The following EPHA6 variants were observed in gnomAD, a reference collection of about 807,000 sequenced individuals.
The protein encoded by EPHA6 is ephrin type-A receptor 6.
EPHA6 carries 50 observed loss-of-function variants against 112.0 expected under a neutral mutation model. The ratio of observed to expected loss-of-function variants is 0.45; its 90% CI spans 0.36 to 0.56. The LOEUF (loss-of-function observed/expected upper bound fraction) is 0.56, where lower values mean the gene tolerates loss of function less well. EPHA6 is among the 20% of genes least tolerant of loss of function. The pLI, the probability that EPHA6 is intolerant of heterozygous loss-of-function variation, is 0.00. For missense variants in EPHA6, 1,280 were observed against 1,417.4 expected (o/e 0.90, Z 1.56); for synonymous variants, 529 against 490.7 (o/e 1.08, Z -1.03).
chr3:96,924,633 C>G (rs1028193575), intron 2 of EPHA6, among the ~76,000 whole-genome samples: 46 of 151,956 alleles, frequency 3.0e-4, no homozygotes, highest in African/African-American at 1.1e-3. Flanking sequence ...TTATTTTTTT[C>G]TCTTGCTTGA....
At chr3:97,319,686 A>G (rs1235165940) in intron 5 of EPHA6, among the ~76,000 whole-genome samples, 1 of 151,004 alleles carries the variant, frequency 6.6e-6, no homozygotes, top group East Asian at 1.9e-4. Context: ...AAAAACAAAA[A>G]ACAAAAAAAA....
chr3:97,613,218 A>G (rs2093735498), intron 13 of EPHA6, among the ~76,000 whole-genome samples: 1 of 152,112 alleles, frequency 6.6e-6, no homozygotes, highest in Non-Finnish European at 1.5e-5. Context: ...ACTCCCCATG[A>G]CAAGCGGAAA....
intron 5 of EPHA6, among the ~76,000 whole-genome samples, chr3:97,322,974 G>C (rs1242543218): frequency 6.6e-6 from 1 of 151,904 alleles, no homozygotes; most frequent in Non-Finnish European, 1.5e-5. Flanking sequence ...TTTTATGCTA[G>C]CATGTATATT....
intron 3 of EPHA6, among the ~76,000 whole-genome samples, chr3:97,183,840 C>T (rs2077053529): frequency 6.6e-6 from 1 of 152,080 alleles, no homozygotes; most frequent in African/African-American, 2.4e-5. Flanking sequence ...ATGTCTAAGG[C>T]AATCAGTGGA....
At chr3:96,831,325 G>GA (rs1316906496) in intron 1 of EPHA6, among the ~76,000 whole-genome samples, 1 of 152,042 alleles carries the variant, frequency 6.6e-6, no homozygotes, top group African/African-American at 2.4e-5. Context: ...TACCTACTGA[G>GA]AAGCCACACA....
intron 7 of EPHA6, among the ~76,000 whole-genome samples, chr3:97,457,792 C>T (rs2090739059): frequency 2.0e-5 from 3 of 151,894 alleles, no homozygotes; most frequent in South Asian, 4.2e-4. Flanking sequence ...AATGGCCGGG[C>T]GCGGTGGCTC....
At chr3:97,289,832 T>G (rs1022026014) in intron 5 of EPHA6, among the ~76,000 whole-genome samples, 2 of 152,078 alleles carry the variant, frequency 1.3e-5, no homozygotes, top group African/African-American at 4.8e-5. Flanking sequence ...ATGCAGCTAC[T>G]GTAAATCAGA....
At chr3:96,877,929 A>C (rs543282985) in intron 2 of EPHA6, among the ~76,000 whole-genome samples, 1 of 128,520 alleles carries the variant, frequency 7.8e-6, no homozygotes, top group African/African-American at 3.2e-5. Flanking sequence ...ATATATATAT[A>C]TTTTTTTTTT....
chr3:97,156,610 A>G (rs997408807), intron 3 of EPHA6, among the ~76,000 whole-genome samples: 7 of 152,188 alleles, frequency 4.6e-5, no homozygotes, highest in African/African-American at 1.7e-4. Context: ...CAGTTATGAC[A>G]CAGGCAAATT....
At chr3:96,872,563 ATCT>A (rs1287794589) in intron 2 of EPHA6, among the ~76,000 whole-genome samples, 1 of 152,048 alleles carries the variant, frequency 6.6e-6, no homozygotes, top group Non-Finnish European at 1.5e-5. Flanking sequence ...AAGTCTTTAT[ATCT>A]TCTTCACTTT....
intron 14 of EPHA6, among the ~76,000 whole-genome samples, chr3:97,659,982 C>T (rs944962307): frequency 4.0e-5 from 6 of 151,868 alleles, no homozygotes; most frequent in African/African-American, 9.7e-5. Flanking sequence ...GGAAACTATT[C>T]GTAGATGGGT....
rs115126391 is a variant in EPHA6, at chr3:97,553,530, G to T, written c.2386+20987G>T. Among the ~76,000 whole-genome samples, 680 of 152,158 alleles carry T rather than the reference G, an allele frequency of 4.5e-3. 6 individuals are homozygous for T. The highest frequency in any genetic ancestry group is 0.014 in the Middle Eastern group (4 of 294). Reference sequence around the variant, plus strand: ...GAGTAAGCAAGGCACATCTTACATGGCTGCAGGAGAGAGAGAGAGAGAGTG... The same window carrying T: ...GAGTAAGCAAGGCACATCTTACATGTCTGCAGGAGAGAGAGAGAGAGAGTG... On this transcript the variant is annotated intron_variant, in intron 11 of 17. Coordinates refer to ENST00000389672, the MANE Select transcript of EPHA6 (RefSeq NM_001080448.3).
chr3:97,202,946 T>G (rs781598851), intron 3 of EPHA6, among the ~76,000 whole-genome samples: 6 of 152,076 alleles, frequency 3.9e-5, no homozygotes, highest in Non-Finnish European at 7.4e-5. Flanking sequence ...ATGGATATCT[T>G]TGGGGTAATC....
intron 3 of EPHA6, among the ~76,000 whole-genome samples, chr3:97,097,430 AAACAC>A (rs2047273655): frequency 6.6e-6 from 1 of 151,854 alleles, no homozygotes; most frequent in Non-Finnish European, 1.5e-5. Context: ...AAACAAAACA[AAACAC>A]AAGGTTTTAC....
intron 11 of EPHA6, among the ~76,000 whole-genome samples, chr3:97,539,497 C>CA (rs893748192): frequency 2.6e-4 from 40 of 152,080 alleles, no homozygotes; most frequent in African/African-American, 9.4e-4. Flanking sequence ...ATAAGAAAGC[C>CA]AATGTGCCTG....
At chr3:97,334,458 T>C (rs1004401227) in intron 5 of EPHA6, among the ~76,000 whole-genome samples, 1 of 150,788 alleles carries the variant, frequency 6.6e-6, no homozygotes, top group African/African-American at 2.4e-5. Flanking sequence ...TCTTTTTTCT[T>C]TTCTTTCTTT....
intron 1 of EPHA6, among the ~76,000 whole-genome samples, chr3:96,833,629 A>C (rs750166469): frequency 2.8e-4 from 43 of 152,026 alleles, no homozygotes; most frequent in Non-Finnish European, 5.7e-4. Context: ...AGAATATAAA[A>C]GAGATCTAGC....
rs560504211 is a variant in EPHA6 at position 96,930,786 on chromosome 3, A to G, written c.451-56544A>G. Among the ~76,000 whole-genome samples, 4 of 152,032 alleles carry G rather than the reference A, an allele frequency of 2.6e-5. No homozygotes were observed. In the South Asian group the frequency reaches 6.2e-4, roughly 24 times the overall value. On this transcript the variant is annotated intron_variant, in intron 2 of 17. Transcript: ENST00000389672. ...GTGGGCAGATCACCTAAGGTCAGGC[A>G]TTCTAGACCAGCCTGGACAACATGG...
chr3:97,422,619 A>G (rs953014902), intron 6 of EPHA6, among the ~76,000 whole-genome samples: 1 of 152,214 alleles, frequency 6.6e-6, no homozygotes, highest in South Asian at 2.1e-4. Context: ...TCCACTGAAC[A>G]ACATACATTA....
Sources: gnomAD v4.1 joint callset for allele counts (sites outside exome capture counted in the v4.1 genomes callset) on GRCh38, gnomAD v4.1.1 for gene constraint, MANE v1.5 for transcripts, NCBI Gene and HGNC (gene_info 2026-07-23, HGNC 2026-07-21) for gene names.